Variants in TNNI1 observed in about 807,000 individuals in gnomAD.
TNNI1 encodes troponin I, slow skeletal muscle.
In TNNI1, 14 loss-of-function variants were observed where a neutral mutation model predicts 26.7. The ratio of observed to expected loss-of-function variants is 0.52; its 90% CI spans 0.35 to 0.82. The LOEUF is 0.82. Among genes scored for constraint, TNNI1 ranks in the 40% least tolerant of loss-of-function variants. The probability of loss-of-function intolerance (pLI) is 0.01; values close to 1 mark genes in which losing one functional copy is unlikely to be tolerated. For missense variants in TNNI1, 164 were observed against 257.0 expected (o/e 0.64, Z 2.47); for synonymous variants, 79 against 98.2 (o/e 0.80, Z 1.16).
rs964859678 is a variant in TNNI1 at position 201,405,741 on chromosome 1, T to A, written c.*3512A>T. ...TGCGCCGTGGGGACCGGGCACCCTG[T>A]GGGGAAAGGTGGGAGCAACAGCTGG... On this transcript the variant is annotated 3_prime_UTR_variant, in exon 9 of 9. Coordinates refer to ENST00000361379, the MANE Select transcript of TNNI1 (RefSeq NM_003281.4). The A allele has an allele frequency of 1.3e-5, 2 of 152,546 alleles. No homozygotes were observed. The highest frequency in any genetic ancestry group is 2.9e-5 in the Non-Finnish European group (2 of 68,190). 9.4% of individuals were successfully genotyped at this position (152,546 alleles called of 1,614,324 possible). A position where few individuals can be genotyped will look rare whatever the true frequency, so the allele number is the denominator to read the frequency against.
chr1:201,414,550 G>A lies in TNNI1; in HGVS notation c.157C>T (p.Gln53Ter), dbSNP rs1662700950. 6.2e-7 allele frequency: 1 copy of A among 1,612,112 alleles called. No individual in the cohort carries two copies. Among genetic ancestry groups the A allele is most frequent in the Non-Finnish European group, 8.5e-7 (1 of 1,179,472 alleles). ...GCACTGAGGGACAGGCCACGGGTCTGCAGCGTGGGGATGCGCTCTGCCAGG... is the reference window on the plus strand; with the variant it reads ...GCACTGAGGGACAGGCCACGGGTCTACAGCGTGGGGATGCGCTCTGCCAGG... Reference protein sequence around the residue: ...RYLAERIPTLQTRGLSLSALQ... With the variant: ...RYLAERIPTL Residue 53 changes from glutamine to a stop codon, truncating the protein, a stop_gained, in exon 5 of 9, where the codon CAG becomes TAG. Transcript: ENST00000361379. LOFTEE classifies it high-confidence loss of function.
chr1:201,418,380 A>G (rs1353977032), intron 1 of TNNI1, among the ~76,000 whole-genome samples: 1 of 151,424 alleles, frequency 6.6e-6, no homozygotes, highest in Non-Finnish European at 1.5e-5. Flanking sequence ...AGGCAGAAGA[A>G]TTGCTTGAAC....
chr1:201,421,524 A>G (rs1571741074), intron 1 of TNNI1, 149 bp downstream of exon 1: 1 of 152,230 alleles, frequency 6.6e-6, no homozygotes, highest in Non-Finnish European at 1.5e-5. Flanking sequence ...CTGTGGGAGT[A>G]TTTTAGGAAT....
intron 2 of TNNI1, 134 bp downstream of exon 2, chr1:201,417,649 G>A: frequency 1.5e-6 from 1 of 656,518 alleles, no homozygotes; most frequent in Admixed American, 4.2e-5. Flanking sequence ...ATCAAGTGCT[G>A]CCCCTGTTTG....
Position 201,407,664 on chromosome 1 carries a change from T to C in TNNI1, c.*1589A>G, listed in dbSNP as rs1216829738. 1 of 152,008 alleles carries C rather than the reference T, an allele frequency of 6.6e-6. No individual in the cohort carries two copies. The highest frequency in any genetic ancestry group is 1.5e-5 in the Non-Finnish European group (1 of 68,026). 9.4% of individuals were successfully genotyped at this position (152,008 alleles called of 1,614,324 possible). ...GCCCCTCCTAGGGCCAGTGCTAGGG[T>C]GGTCGAAAAGCCAAGGGACCCCAGG... On this transcript the variant is annotated 3_prime_UTR_variant, in exon 9 of 9. Transcript: ENST00000361379.
In TNNI1 at chr1:201,411,548, C is replaced by G; in HGVS notation, c.280-15G>C. On this transcript the variant is annotated splice_polypyrimidine_tract_variant and intron_variant, in intron 6 of 8. Transcript: ENST00000361379. This position sits in a 1 kb window ranked among gnomAD's most constrained non-coding sequence, Gnocchi z 4.6. ...AGGTCCTTAATCTGTAGGTGAGAAG[C>G]GCCCGGGGCTCACTGGAGAGGCAGC... is the stretch of plus-strand genomic sequence containing the variant. 6.4e-7 allele frequency: 1 copy of G among 1,550,534 alleles called. No homozygotes were observed. Among genetic ancestry groups the G allele is most frequent in the Non-Finnish European group, 8.7e-7 (1 of 1,151,926 alleles).
Position 201,407,040 on chromosome 1 carries a change from G to A in TNNI1, c.*2213C>T, listed in dbSNP as rs935668763. 1 of 152,210 alleles carries A rather than the reference G, an allele frequency of 6.6e-6. No individual in the cohort carries two copies. The highest frequency in any genetic ancestry group is 2.4e-5 in the African/African-American group (1 of 41,438). The allele number at this position is 152,210 out of a possible 1,614,324, so 9.4% of individuals were successfully genotyped here. On this transcript the variant is annotated 3_prime_UTR_variant, in exon 9 of 9. Coordinates refer to ENST00000361379, the MANE Select transcript of TNNI1 (RefSeq NM_003281.4). ...GCAGGTCTCCTGCCTTTACATGACTGGGTGGATACCCCAATCTGCCAGGGC... is the reference window on the plus strand; with the variant it reads ...GCAGGTCTCCTGCCTTTACATGACTAGGTGGATACCCCAATCTGCCAGGGC...
At chr1:201,413,001 T>C in intron 6 of TNNI1, 31 bp downstream of exon 6, 4 of 1,609,540 alleles carry the variant, frequency 2.5e-6, no homozygotes, top group Non-Finnish European at 3.4e-6. Context: ...CAACCCATTA[T>C]GGCCATGCCC....
At position 201,410,417 on chromosome 1, in the gene TNNI1, C is replaced by G. The variant is rs778298110; in HGVS notation, c.475G>C (p.Gly159Arg). The G allele has an allele frequency of 6.2e-7, 1 of 1,614,166 alleles. No homozygotes were observed. Among genetic ancestry groups the G allele is most frequent in the South Asian group, 1.1e-5 (1 of 91,082 alleles). The part of the protein sequence containing the change: ...DTEKERPVEV[G>R]DWRKNVEAMS... ...GCCTCCACGTTCTTCCTCCAGTCAC[C>G]CACCTCCACAGGCCGCTCCTGTAGA... Residue 159 changes from glycine (G) to arginine (R), a missense_variant, in exon 8 of 9, where the codon GGT (glycine) becomes CGT (arginine). By Grantham distance (125) the Gly-to-Arg change is moderately radical. This residue lies in a region of TNNI1 where 43 missense variants were observed against 74.3 expected (regional missense o/e 0.58). Coordinates refer to ENST00000361379, the MANE Select transcript of TNNI1 (RefSeq NM_003281.4).
At chr1:201,414,176 C>G (rs1290229698) in intron 5 of TNNI1, among the ~76,000 whole-genome samples, 1 of 152,216 alleles carries the variant, frequency 6.6e-6, no homozygotes, top group African/African-American at 2.4e-5. Flanking sequence ...AGACCAAATT[C>G]TAGGAAAGGG....
intron 5 of TNNI1, among the ~76,000 whole-genome samples, chr1:201,414,211 G>A (rs919976708): frequency 2.6e-5 from 4 of 152,176 alleles, no homozygotes; most frequent in African/African-American, 9.7e-5. Flanking sequence ...GAAAAGTGGG[G>A]CTTCTCCCAA....
At position 201,411,260 on chromosome 1, in the gene TNNI1, A is replaced by G. The variant is rs896209030; in HGVS notation, c.456+97T>C. ...TGTCTGTCAAGCTGACTGGTCTCCA[A>G]CAGGAGCTCCTGGGCCAGCCTGAGG... On this transcript the variant is annotated intron_variant, in intron 7 of 8. Coordinates refer to ENST00000361379, the MANE Select transcript of TNNI1 (RefSeq NM_003281.4). The surrounding 1 kb of genome is among the most constrained non-coding windows in gnomAD (Gnocchi z 4.6). 20 of 1,347,316 alleles carry G rather than the reference A, an allele frequency of 1.5e-5. No individual in the cohort carries two copies. Among genetic ancestry groups the G allele is most frequent in the African/African-American group, 1.3e-4 (9 of 67,342 alleles). 83.5% of individuals were successfully genotyped at this position (1,347,316 alleles called of 1,614,324 possible). A position where few individuals can be genotyped will look rare whatever the true frequency, so the allele number is the denominator to read the frequency against.
intron 1 of TNNI1, 47 bp from the exon 2 acceptor site, chr1:201,417,859 G>GC (rs1662779407): frequency 1.5e-6 from 2 of 1,297,968 alleles, no homozygotes; most frequent in Non-Finnish European, 2.0e-6. Context: ...GGAAACCCCT[G>GC]CCCCTGCCCA....
rs1662569562 is a variant in TNNI1, at chr1:201,408,517, G to C, written c.*736C>G. The C allele has an allele frequency of 6.6e-6, 1 of 152,544 alleles. No individual in the cohort carries two copies. Among genetic ancestry groups the C allele is most frequent in the South Asian group, 2.1e-4 (1 of 4,830 alleles). The allele number at this position is 152,544 out of a possible 1,614,324, so 9.4% of individuals were successfully genotyped here. On this transcript the variant is annotated 3_prime_UTR_variant, in exon 9 of 9. Coordinates refer to ENST00000361379, the MANE Select transcript of TNNI1 (RefSeq NM_003281.4). ...GCACACATCAGGGAGAGTTAATCCA[G>C]GTTTGCAGAGGAAGGAGAGTATGAA...
intron 5 of TNNI1, among the ~76,000 whole-genome samples, chr1:201,413,358 G>A (rs1372986674): frequency 6.6e-6 from 1 of 152,182 alleles, no homozygotes; most frequent in African/African-American, 2.4e-5. Flanking sequence ...AACCCAGGAG[G>A]CGGAGGTTGC....
Position 201,411,390 on chromosome 1 carries a change from G to T in TNNI1, c.423C>A (p.Asn141Lys). ...TGTCTTCCTTCTTCACAGACTTGAG[G>T]TTGGCCCGCAGATCCATGGACACCT... ...KHKVSMDLRA[N>K]LKSVKKEDTE... The change falls in exon 7 of 9, where the codon AAC becomes AAA. Residue 141 changes from asparagine to lysine, a missense_variant. This residue lies in a region of TNNI1 where 43 missense variants were observed against 74.3 expected (regional missense o/e 0.58). Coordinates refer to ENST00000361379, the MANE Select transcript of TNNI1 (RefSeq NM_003281.4). The surrounding 1 kb of genome is among the most constrained non-coding windows in gnomAD (Gnocchi z 4.6). 1 of 1,613,930 alleles carries T rather than the reference G, an allele frequency of 6.2e-7. No homozygotes were observed.
rs1453423162 is a variant in TNNI1 at position 201,404,498 on chromosome 1, T to C, written c.*4755A>G. ...TATTGTGTAATATAAATACTGACAT[T>C]GTGCTGCCACCATTTTATTTTGTGA... On this transcript the variant is annotated 3_prime_UTR_variant, in exon 9 of 9. Coordinates refer to ENST00000361379, the MANE Select transcript of TNNI1 (RefSeq NM_003281.4). The C allele has an allele frequency of 6.6e-6, 1 of 152,194 alleles. No homozygotes were observed. The highest frequency in any genetic ancestry group is 2.4e-5 in the African/African-American group (1 of 41,436). The allele number at this position is 152,194 out of a possible 1,614,324, so 9.4% of individuals were successfully genotyped here.
intron 1 of TNNI1, among the ~76,000 whole-genome samples, chr1:201,420,171 G>A (rs2799670): frequency 0.78 from 118,069 of 152,200 alleles, 46,271 homozygotes; most frequent in African/African-American, 0.85. Context: ...TTCCAAGGCC[G>A]GTTTACACCT....
At position 201,415,263 on chromosome 1, in the gene TNNI1, A is replaced by G. The variant is rs201588064; in HGVS notation, c.16-9T>C. The G allele has an allele frequency of 4.6e-5, 74 of 1,613,962 alleles. 1 individual carries two copies. In the Middle Eastern group the frequency reaches 8.2e-4, roughly 18 times the overall value. On this transcript the variant is annotated splice_polypyrimidine_tract_variant and intron_variant, in intron 3 of 8. Transcript: ENST00000361379. ...GTGATCTTGGGTTTTCTCTGTGGGC[A>G]AGAAGAGAGAGAGACAGGTGGTGAG...
Sources: allele counts gnomAD v4.1 joint callset (sites outside exome capture counted in the v4.1 genomes callset), GRCh38; gene constraint gnomAD v4.1.1; regional missense constraint gnomAD v4.1.1; non-coding constraint Gnocchi (gnomAD v3.1); transcripts MANE v1.5; gene names NCBI Gene and HGNC (gene_info 2026-07-23, HGNC 2026-07-21).